The following MAP1B variants were observed in gnomAD, a reference collection of about 807,000 sequenced individuals.
MAP1B encodes the protein microtubule-associated protein 1B.
In MAP1B, 12 loss-of-function variants were observed where a neutral mutation model predicts 176.1. That is an observed-to-expected ratio of 0.07 (90% confidence interval 0.04 to 0.11). The LOEUF (loss-of-function observed/expected upper bound fraction) is 0.11. MAP1B is among the 10% of genes least tolerant of loss of function. The probability of loss-of-function intolerance (pLI) is 1.00; values close to 1 mark genes in which losing one functional copy is unlikely to be tolerated. For synonymous variants in MAP1B, 1,044 were observed against 1,135.0 expected, an observed-to-expected ratio of 0.92 and a Z score of 1.61; for missense variants, 2,523 against 2,990.5, an observed-to-expected ratio of 0.84 and a Z score of 3.65.
chr5:72,122,065 G>A lies in MAP1B; in HGVS notation c.286+6266G>A, dbSNP rs145421097. Among the ~76,000 whole-genome samples, 522 of 152,300 alleles carry A rather than the reference G, an allele frequency of 3.4e-3. 2 individuals carry two copies. Among genetic ancestry groups the A allele is most frequent in the African/African-American group, 0.012 (503 of 41,562 alleles). On this transcript the variant is annotated intron_variant, in intron 2 of 6. Transcript: ENST00000296755. ...ATCATACAAGGTTATAGGAGAAATC[G>A]TGGTATGTTAGAAGAAAATGACAAA...
At chr5:72,174,127 G>A (rs1374401653) in intron 2 of MAP1B, among the ~76,000 whole-genome samples, 1 of 152,144 alleles carries the variant, frequency 6.6e-6, no homozygotes, top group Non-Finnish European at 1.5e-5. Context: ...GAGAAACCTC[G>A]TCTCAAAATA....
At chr5:72,120,061 C>T (rs1403981830) in intron 2 of MAP1B, among the ~76,000 whole-genome samples, 1 of 152,188 alleles carries the variant, frequency 6.6e-6, no homozygotes, top group East Asian at 1.9e-4. Flanking sequence ...GGATATCTCC[C>T]AGGGGTTGTA....
At chr5:72,120,580 A>G (rs1745509611) in intron 2 of MAP1B, among the ~76,000 whole-genome samples, 1 of 151,050 alleles carries the variant, frequency 6.6e-6, no homozygotes, top group Admixed American at 6.6e-5. Flanking sequence ...GCCCACCACC[A>G]TGCCTGGCTA....
chr5:72,165,109 T>A (rs1261758459), intron 2 of MAP1B, among the ~76,000 whole-genome samples: 1 of 152,172 alleles, frequency 6.6e-6, no homozygotes, highest in Non-Finnish European at 1.5e-5. Context: ...TAAAAGGTAA[T>A]TTTGTCAGCT....
chr5:72,182,023 CTTTTTTTT>C (rs34251206), intron 2 of MAP1B, among the ~76,000 whole-genome samples: 4 of 94,754 alleles, frequency 4.2e-5, no homozygotes, highest in Non-Finnish European at 5.9e-5. Flanking sequence ...CGCACCTGGC[CTTTTTTTT>C]TTTTTTTTTT....
intron 5 of MAP1B, among the ~76,000 whole-genome samples, 176 bp from the exon 6 acceptor site, chr5:72,203,387 C>T (rs1054793039): frequency 3.3e-5 from 5 of 152,270 alleles, no homozygotes; most frequent in East Asian, 1.9e-4. Context: ...ACATTGCTAG[C>T]GTAAATGCCC....
intron 2 of MAP1B, among the ~76,000 whole-genome samples, chr5:72,122,050 G>A (rs554068774): frequency 6.6e-6 from 1 of 152,298 alleles, no homozygotes; most frequent in South Asian, 2.1e-4. Context: ...ATCATACAAG[G>A]TTATAGGAGA....
chr5:72,185,917 G>A (rs1746887362), intron 3 of MAP1B, among the ~76,000 whole-genome samples: 1 of 152,212 alleles, frequency 6.6e-6, no homozygotes, highest in Non-Finnish European at 1.5e-5. Context: ...TTAGAGTGGT[G>A]TTTGCTGAAG....
At chr5:72,157,182 A>G (rs1455676251) in intron 2 of MAP1B, among the ~76,000 whole-genome samples, 1 of 152,150 alleles carries the variant, frequency 6.6e-6, no homozygotes, top group South Asian at 2.1e-4. Context: ...TTTCTTTTAT[A>G]TCTGTCTTGA....
At chr5:72,201,178 C>A (rs1747326834) in intron 5 of MAP1B, among the ~76,000 whole-genome samples, 1 of 151,426 alleles carries the variant, frequency 6.6e-6, no homozygotes, top group Admixed American at 6.6e-5. Flanking sequence ...GCCTGTGCAA[C>A]ATAGCAAGAC....
intron 2 of MAP1B, among the ~76,000 whole-genome samples, chr5:72,155,731 C>T (rs533560047): frequency 1.3e-5 from 2 of 150,824 alleles, no homozygotes; most frequent in East Asian, 1.9e-4. Context: ...AATCTGAAAG[C>T]GTACAAGAGG....
chr5:72,141,435 A>G (rs4703774), intron 2 of MAP1B, among the ~76,000 whole-genome samples: 97,305 of 152,142 alleles, frequency 0.64, 31,682 homozygotes, highest in Middle Eastern at 0.74. Context: ...CAGAGCCTTC[A>G]TGCTGGGTAT....
intron 2 of MAP1B, among the ~76,000 whole-genome samples, chr5:72,177,696 T>C (rs1231469617): frequency 1.3e-5 from 2 of 152,244 alleles, no homozygotes; most frequent in East Asian, 3.8e-4. Context: ...TTTCACACCA[T>C]AAGCTGCTAT....
rs1374106896 is a variant in MAP1B, at chr5:72,159,018, G to A, written c.287-24725G>A. On this transcript the variant is annotated intron_variant, in intron 2 of 6. Coordinates refer to ENST00000296755, the MANE Select transcript of MAP1B (RefSeq NM_005909.5). ...CTCACAACAGCCATATGGGGTGTGA[G>A]TACTGTTATTCCCATGTACGATTGA... Among the ~76,000 whole-genome samples the A allele has an allele frequency of 2.0e-5, 3 of 152,128 alleles. No homozygotes were observed. The East Asian group carries it at 5.8e-4, about 29-fold the overall frequency.
chr5:72,186,407 A>C lies in MAP1B; in HGVS notation c.370-207A>C, dbSNP rs1162896221. ...CATTCTTGGGCAAACTGATAACTAC[A>C]CTTATTGGCTTTGTGGATGATCCTA... On this transcript the variant is annotated intron_variant, in intron 3 of 6. Coordinates refer to ENST00000296755, the MANE Select transcript of MAP1B (RefSeq NM_005909.5). This position sits in a 1 kb window ranked among gnomAD's most constrained non-coding sequence, Gnocchi z 4.3. Among the ~76,000 whole-genome samples the C allele has an allele frequency of 1.3e-5, 2 of 152,170 alleles. No homozygotes were observed. Among genetic ancestry groups the C allele is most frequent in the Non-Finnish European group, 2.9e-5 (2 of 68,026 alleles).
chr5:72,116,096 G>A, intron 2 of MAP1B: 1 of 334,928 alleles, frequency 3.0e-6, no homozygotes, highest in Non-Finnish European at 5.7e-6. Flanking sequence ...GATATCCAGG[G>A]CTTGAGAAAG....
At chr5:72,117,781 C>T (rs1255159103) in intron 2 of MAP1B, among the ~76,000 whole-genome samples, 1 of 152,202 alleles carries the variant, frequency 6.6e-6, no homozygotes, top group Non-Finnish European at 1.5e-5. Context: ...TACGACTTTC[C>T]CTGTCAAGCC....
chr5:72,120,858 G>GTGAT (rs1745515549), intron 2 of MAP1B, among the ~76,000 whole-genome samples: 1 of 152,208 alleles, frequency 6.6e-6, no homozygotes, highest in Non-Finnish European at 1.5e-5. Flanking sequence ...TGTATATTTG[G>GTGAT]TGATTGTTAT....
At chr5:72,171,568 TG>T in intron 2 of MAP1B, among the ~76,000 whole-genome samples, 1 of 152,128 alleles carries the variant, frequency 6.6e-6, no homozygotes. Flanking sequence ...CCAGCCTGGG[TG>T]ATAGAGTGAG....
Sources: gnomAD v4.1 joint callset for allele counts (sites outside exome capture counted in the v4.1 genomes callset) on GRCh38, gnomAD v4.1.1 for gene constraint, Gnocchi (gnomAD v3.1) non-coding constraint, MANE v1.5 for transcripts, NCBI Gene and HGNC (gene_info 2026-07-23, HGNC 2026-07-21) for gene names.